Variants in CDH4 observed in about 807,000 individuals in gnomAD.
CDH4 encodes the protein cadherin 4.
A neutral mutation model predicts 86.0 loss-of-function variants in CDH4; 33 were observed. The ratio of observed to expected loss-of-function variants is 0.38; its 90% CI spans 0.29 to 0.51. CDH4 has a LOEUF of 0.51. Among genes scored for constraint, CDH4 ranks in the 20% least tolerant of loss-of-function variants. CDH4 has a pLI of 0.86. For missense variants in CDH4, 1,114 were observed against 1,307.4 expected, an observed-to-expected ratio of 0.85 and a Z score of 2.28; for synonymous variants, 555 against 549.4, an observed-to-expected ratio of 1.01 and a Z score of -0.14.
At chr20:61,273,796 G>C (rs2084203064) in intron 2 of CDH4, among the ~76,000 whole-genome samples, 1 of 150,160 alleles carries the variant, frequency 6.7e-6, no homozygotes, top group Non-Finnish European at 1.5e-5. Flanking sequence ...TGTGCAGTTT[G>C]TGGTAGTACC....
chr20:61,322,860 C>G (rs887555502), intron 2 of CDH4, among the ~76,000 whole-genome samples: 4 of 152,166 alleles, frequency 2.6e-5, no homozygotes, highest in Non-Finnish European at 5.9e-5. Context: ...TGCATTTCTT[C>G]AAGAGTGTAT....
chr20:61,372,844 T>C (rs1275954988), intron 2 of CDH4, among the ~76,000 whole-genome samples: 1 of 152,208 alleles, frequency 6.6e-6, no homozygotes, highest in Admixed American at 6.5e-5. Context: ...TTTCCACACC[T>C]ACAGGGAAGG....
chr20:61,847,686 A>G (rs1047035725), intron 5 of CDH4, among the ~76,000 whole-genome samples: 3 of 152,234 alleles, frequency 2.0e-5, no homozygotes, highest in African/African-American at 7.2e-5. Flanking sequence ...CAGGCTGTAC[A>G]GGAAGTATAG....
intron 4 of CDH4, among the ~76,000 whole-genome samples, chr20:61,809,422 A>T (rs932898032): frequency 3.0e-4 from 45 of 152,374 alleles, no homozygotes; most frequent in African/African-American, 1.0e-3. Flanking sequence ...TGCGTGGATT[A>T]CATAACTAAA....
At chr20:61,860,922 G>A (rs991264936) in intron 6 of CDH4, among the ~76,000 whole-genome samples, 4 of 152,276 alleles carry the variant, frequency 2.6e-5, no homozygotes, top group African/African-American at 7.2e-5. Flanking sequence ...AGAAGTACCC[G>A]GGGGACCCTC....
At chr20:61,656,306 C>CGCGTGCTGGGGTGGGT (rs2087189203) in intron 2 of CDH4, among the ~76,000 whole-genome samples, 1 of 107,298 alleles carries the variant, frequency 9.3e-6, no homozygotes, top group African/African-American at 4.5e-5. Flanking sequence ...GGTGGGTAGG[C>CGCGTGCTGGGGTGGGT]ACGTGCTGAA....
At position 61,359,183 on chromosome 20, in the gene CDH4, A is replaced by G. The variant is rs192557954; in HGVS notation, c.169+104246A>G. On this transcript the variant is annotated intron_variant, in intron 2 of 15. Transcript: ENST00000614565. The stretch of plus-strand genomic sequence containing the variant: ...TTGGCTTTCTTTTAATAAATAAACA[A>G]TGAACTCACACATCACCACAGAAAG... Among the ~76,000 whole-genome samples the G allele has an allele frequency of 5.4e-3, 829 of 152,274 alleles. 3 individuals carry two copies. Among genetic ancestry groups the G allele is most frequent in the African/African-American group, 0.018 (748 of 41,554 alleles).
chr20:61,932,495 GAC>G (rs1352926908), intron 13 of CDH4, among the ~76,000 whole-genome samples: 1 of 152,068 alleles, frequency 6.6e-6, no homozygotes, highest in Non-Finnish European at 1.5e-5. Context: ...AGCATACACA[GAC>G]ACACGAAGTA....
chr20:61,646,035 C>G (rs979551398), intron 2 of CDH4, among the ~76,000 whole-genome samples: 1 of 152,186 alleles, frequency 6.6e-6, no homozygotes, highest in Non-Finnish European at 1.5e-5. Context: ...TGGCCCAGCC[C>G]CAGCATGCAG....
At chr20:61,783,007 C>T (rs930210100) in intron 4 of CDH4, among the ~76,000 whole-genome samples, 1 of 152,170 alleles carries the variant, frequency 6.6e-6, no homozygotes, top group South Asian at 2.1e-4. Context: ...ATCACTTGAA[C>T]CCCGGAGGTA....
intron 2 of CDH4, among the ~76,000 whole-genome samples, chr20:61,312,928 G>A (rs971627573): frequency 3.1e-4 from 47 of 152,216 alleles, no homozygotes; most frequent in Admixed American, 3.9e-4. Context: ...AGGGGTGCTC[G>A]GCAGGTCCTC....
At chr20:61,788,390 T>A (rs1253152890) in intron 4 of CDH4, among the ~76,000 whole-genome samples, 1 of 152,190 alleles carries the variant, frequency 6.6e-6, no homozygotes, top group Non-Finnish European at 1.5e-5. Context: ...GCGTAGGTTC[T>A]GGTTAAAGGA....
At position 61,784,795 on chromosome 20, in the gene CDH4, A is replaced by G. The variant is rs193008874; in HGVS notation, c.576+11613A>G. On this transcript the variant is annotated intron_variant, in intron 4 of 15. Coordinates refer to ENST00000614565, the MANE Select transcript of CDH4 (RefSeq NM_001794.5). ...TCGGAACAGTTCTCCAGGCCCTCAG[A>G]TGTCCTGTGCCCCCGGGGCCTCATC... Among the ~76,000 whole-genome samples, 588 of 152,016 alleles carry G rather than the reference A, an allele frequency of 3.9e-3. 4 individuals are homozygous for G. Among genetic ancestry groups the G allele is most frequent in the Non-Finnish European group, 5.6e-3 (383 of 67,936 alleles).
chr20:61,682,349 GATGA>G (rs146348115), intron 2 of CDH4, among the ~76,000 whole-genome samples: 3,294 of 143,132 alleles, frequency 0.023, 111 homozygotes, highest in African/African-American at 0.069. Context: ...GGGAGAGATA[GATGA>G]ATGGATGGAT....
At chr20:61,723,803 T>C (rs1322384850) in intron 2 of CDH4, among the ~76,000 whole-genome samples, 1 of 152,166 alleles carries the variant, frequency 6.6e-6, no homozygotes, top group Non-Finnish European at 1.5e-5. Flanking sequence ...TTCAGGGTCA[T>C]CTTTGGATTC....
chr20:61,565,358 G>GGGAGGTGGTGGTGGCGGTGCTCTT lies in CDH4; in HGVS notation c.170-178203_170-178202insAGGTGGTGGTGGCGGTGCTCTTGG, dbSNP rs1555809218. Among the ~76,000 whole-genome samples, 2 of 33,374 alleles carry GGGAGGTGGTGGTGGCGGTGCTCTT rather than the reference G, an allele frequency of 6.0e-5. 1 individual carries two copies. 21.9% of individuals were successfully genotyped at this position (33,374 alleles called of 152,430 possible). On this transcript the variant is annotated intron_variant, in intron 2 of 15. Transcript: ENST00000614565. The stretch of plus-strand genomic sequence containing the variant: ...GGTGGTAGTGGTCCTCTTGGTGATG[G>GGGAGGTGGTGGTGGCGGTGCTCTT]GGTGATGGTGGTGGTGGTCCTCTTG...
intron 2 of CDH4, among the ~76,000 whole-genome samples, chr20:61,502,391 GTTGTCCTGGGAC>G (rs2085709802): frequency 6.6e-6 from 1 of 152,028 alleles, no homozygotes; most frequent in South Asian, 2.1e-4. Context: ...GTTTCCCAGG[GTTGTCCTGGGAC>G]TGGCCTCTGA....
Position 61,681,679 on chromosome 20 carries a change from C to G in CDH4, c.170-61884C>G, listed in dbSNP as rs1311625277. On this transcript the variant is annotated intron_variant, in intron 2 of 15. Coordinates refer to ENST00000614565, the MANE Select transcript of CDH4 (RefSeq NM_001794.5). The surrounding 1 kb of genome is among the most constrained non-coding windows in gnomAD (Gnocchi z 4.5). ...CAGAGCTGAGGGTGCTGCAGAGCCC[C>G]TAAAGAGCTTTCTGGGCATCGGGAA... Among the ~76,000 whole-genome samples, 1 of 152,186 alleles carries G rather than the reference C, an allele frequency of 6.6e-6. No homozygotes were observed. Among genetic ancestry groups the G allele is most frequent in the Non-Finnish European group, 1.5e-5 (1 of 68,030 alleles).
At chr20:61,603,356 T>A (rs1323512794) in intron 2 of CDH4, among the ~76,000 whole-genome samples, 1 of 152,016 alleles carries the variant, frequency 6.6e-6, no homozygotes, top group Non-Finnish European at 1.5e-5. Flanking sequence ...CCCACACCAC[T>A]CCGGATGGCC....
Sources: allele counts gnomAD v4.1 joint callset (sites outside exome capture counted in the v4.1 genomes callset), GRCh38; gene constraint gnomAD v4.1.1; non-coding constraint Gnocchi (gnomAD v3.1); transcripts MANE v1.5; gene names NCBI Gene and HGNC (gene_info 2026-07-23, HGNC 2026-07-21).